PSMG2: variants seen among roughly 807,000 people sequenced by gnomAD.
PSMG2 encodes CD40 ligand-activated specific transcript 3.
PSMG2 carries 21 observed loss-of-function variants against 31.5 expected under a neutral mutation model. The ratio of observed to expected loss-of-function variants is 0.67; its 90% CI spans 0.47 to 0.96. PSMG2 has a LOEUF of 0.96. Ranked by LOEUF, PSMG2 falls within the 40% of genes least tolerant of loss-of-function variation. The probability of loss-of-function intolerance (pLI) is 0.00; values close to 1 mark genes in which losing one functional copy is unlikely to be tolerated. For missense variants in PSMG2, 318 were observed against 321.2 expected (o/e 0.99, Z 0.08); for synonymous variants, 120 against 110.4 (o/e 1.09, Z -0.54).
chr18:12,676,354 G>T (rs1268543323), intron 1 of PSMG2, among the ~76,000 whole-genome samples: 1 of 148,740 alleles, frequency 6.7e-6, no homozygotes, highest in Non-Finnish European at 1.5e-5. Flanking sequence ...CACAATCTCG[G>T]CTCACTGCAA....
chr18:12,710,886 G>T (rs879863287), intron 2 of PSMG2, among the ~76,000 whole-genome samples: 65 of 152,152 alleles, frequency 4.3e-4, no homozygotes, highest in Non-Finnish European at 7.5e-4. Context: ...GATTGCCTGA[G>T]CTCAGGAGTT....
intron 1 of PSMG2, chr18:12,678,253 C>T (rs760740251): frequency 1.2e-6 from 2 of 1,614,164 alleles, no homozygotes; most frequent in South Asian, 2.2e-5. Flanking sequence ...TAATTGCTTC[C>T]TCACTCATGG....
Position 12,695,496 on chromosome 18 carries a change from C to T in PSMG2, c.-36-11054C>T, listed in dbSNP as rs1207272233. 7 of 447,732 alleles carry T rather than the reference C, an allele frequency of 1.6e-5. No individual in the cohort carries two copies. The East Asian group carries it at 2.1e-4, about 14-fold the overall frequency. The allele number at this position is 447,732 out of a possible 1,614,324, so 27.7% of individuals were successfully genotyped here. ...AACATTCAACATTACCTTTAATATT[C>T]ATATTAAAATGAACCAAATCAATTT... is the stretch of plus-strand genomic sequence containing the variant. On this transcript the variant is annotated intron_variant, in intron 1 of 6. Coordinates refer to the PSMG2 transcript ENST00000585331.
At chr18:12,698,590 G>A (rs951435549), upstream of PSMG2, among the ~76,000 whole-genome samples, 4 of 152,064 alleles carry the variant, frequency 2.6e-5, no homozygotes, top group East Asian at 1.9e-4. Context: ...GTGAGTCACC[G>A]TGCTCAGCCT....
upstream of PSMG2, chr18:12,698,882 TA>T: frequency 1.2e-6 from 1 of 848,466 alleles, no homozygotes; most frequent in Non-Finnish European, 1.8e-6. Context: ...TCCTCCATTA[TA>T]AATCTCTCCT....
At chr18:12,713,919 T>G (rs542882166) in intron 3 of PSMG2, among the ~76,000 whole-genome samples, 2 of 152,068 alleles carry the variant, frequency 1.3e-5, no homozygotes, top group African/African-American at 4.8e-5. Context: ...ACTGGCTAAT[T>G]TTTGTATTTT....
At chr18:12,703,012 C>T (rs188908314), upstream of PSMG2, 49 of 1,405,550 alleles carry the variant, frequency 3.5e-5, no homozygotes, top group Non-Finnish European at 4.4e-5. Flanking sequence ...CCCTCCCGCG[C>T]CCCGCGAGGC....
intron 2 of PSMG2, among the ~76,000 whole-genome samples, chr18:12,711,947 G>A (rs752191475): frequency 6.6e-6 from 1 of 151,910 alleles, no homozygotes; most frequent in Non-Finnish European, 1.5e-5. Context: ...TAGAGACGGG[G>A]TTTCATTCAC....
At chr18:12,694,278 T>C (rs745784564) in intron 1 of PSMG2, among the ~76,000 whole-genome samples, 2 of 152,166 alleles carry the variant, frequency 1.3e-5, no homozygotes, top group Admixed American at 6.6e-5. Flanking sequence ...GGAGAAGCAC[T>C]AGCGTCTAAC....
chr18:12,690,462 G>GT (rs35616464), intron 1 of PSMG2, among the ~76,000 whole-genome samples: 1,847 of 146,646 alleles, frequency 0.013, 41 homozygotes, highest in African/African-American at 0.041. Context: ...ATTTTTTGTT[G>GT]TTTTTTTTTT....
chr18:12,714,485 T>TC lies in PSMG2; in HGVS notation c.288+1727dup, dbSNP rs1426976517. 8.8e-5 allele frequency among the ~76,000 whole-genome samples: 13 copies of TC among 147,134 alleles called. No individual in the cohort carries two copies. The East Asian group carries it at 2.0e-3, about 23-fold the overall frequency. ...AAGGCCCTCCTAAACAATCCTTTCT[T>TC]CCTTTTTTTTTTTTTTTTCCTTGAA... On this transcript the variant is annotated intron_variant, in intron 3 of 6. Coordinates refer to ENST00000317615, the MANE Select transcript of PSMG2 (RefSeq NM_020232.5).
chr18:12,663,195 T>C (rs1412011124), intron 1 of PSMG2, among the ~76,000 whole-genome samples: 1 of 152,230 alleles, frequency 6.6e-6, no homozygotes, highest in Non-Finnish European at 1.5e-5. Flanking sequence ...TCATATTACA[T>C]AATTCTGATC....
In PSMG2 at chr18:12,725,429, T is replaced by TGAA; in HGVS notation, c.703-10_703-9insGAA. On this transcript the variant is annotated splice_polypyrimidine_tract_variant and intron_variant, in intron 6 of 6. Transcript: ENST00000317615. ...TTTAAAGATTAAAATATTTTGTTCT[T>TGAA]CAATTACAGAGCGATGACCCCACAG... 1 of 1,548,862 alleles carries TGAA rather than the reference T, an allele frequency of 6.5e-7. No individual in the cohort carries two copies. The highest frequency in any genetic ancestry group is 8.9e-7 in the Non-Finnish European group (1 of 1,127,588).
At chr18:12,667,273 A>T (rs1191422168) in intron 1 of PSMG2, among the ~76,000 whole-genome samples, 2 of 152,124 alleles carry the variant, frequency 1.3e-5, no homozygotes, top group Non-Finnish European at 2.9e-5. Context: ...CCTGTATTTG[A>T]GTGAGACCTT....
intron 1 of PSMG2, among the ~76,000 whole-genome samples, chr18:12,683,732 CAA>C (rs1352954287): frequency 6.7e-6 from 1 of 150,352 alleles, no homozygotes; most frequent in African/African-American, 2.5e-5. Context: ...GCCTGGGCGA[CAA>C]GAGGAAAACT....
At chr18:12,673,258 C>G in intron 1 of PSMG2, 1 of 1,461,712 alleles carries the variant, frequency 6.8e-7, no homozygotes, top group Non-Finnish European at 9.0e-7. Context: ...GTATGCCATT[C>G]AAGCCAGATT....
In PSMG2 at chr18:12,694,876, AT is replaced by A. The variant is rs1216124284; in HGVS notation, c.-36-11662del. ...CAGGTGCCTGCCACCACGCCCGGCT[AT>A]TTTTTTTTTTTGTATTTTTAGTAGA... On this transcript the variant is annotated intron_variant, in intron 1 of 6. Transcript: ENST00000585331. Among the ~76,000 whole-genome samples, 633 of 141,270 alleles carry A rather than the reference AT, an allele frequency of 4.5e-3. 2 individuals carry two copies. The highest frequency in any genetic ancestry group is 7.0e-3 in the Non-Finnish European group (450 of 64,436). 92.7% of individuals were successfully genotyped at this position (141,270 alleles called of 152,430 possible).
intron 1 of PSMG2, chr18:12,692,299 G>A (rs1222591057): frequency 6.6e-6 from 1 of 151,044 alleles, no homozygotes; most frequent in Non-Finnish European, 1.5e-5. Context: ...CTGGGCGATA[G>A]AGTGAGACTC....
At chr18:12,711,629 T>TC (rs959630748) in intron 2 of PSMG2, among the ~76,000 whole-genome samples, 62 of 152,078 alleles carry the variant, frequency 4.1e-4, no homozygotes, top group Non-Finnish European at 5.7e-4. Context: ...AGAGACCTGA[T>TC]CCACCAAAGG....
Sources: allele counts gnomAD v4.1 joint callset (sites outside exome capture counted in the v4.1 genomes callset), GRCh38; gene constraint gnomAD v4.1.1; transcripts MANE v1.5; gene names NCBI Gene and HGNC (gene_info 2026-07-23, HGNC 2026-07-21).